The following RIMS1 variants were observed in gnomAD, a reference collection of about 807,000 sequenced individuals.
RIMS1 encodes regulating synaptic membrane exocytosis 1, also known as regulating synaptic membrane exocytosis protein 1.
In RIMS1, 83 loss-of-function variants were observed where a neutral mutation model predicts 214.1. That is an observed-to-expected ratio of 0.39 (90% confidence interval 0.32 to 0.47). RIMS1 has a LOEUF of 0.47. Ranked by LOEUF, RIMS1 falls within the 20% of genes least tolerant of loss-of-function variation. The probability of loss-of-function intolerance (pLI) is 0.99; values close to 1 mark genes in which losing one functional copy is unlikely to be tolerated. For missense variants in RIMS1, 2,050 were observed against 2,161.8 expected, an observed-to-expected ratio of 0.95 and a Z score of 1.03; for synonymous variants, 793 against 786.8, an observed-to-expected ratio of 1.01 and a Z score of -0.13.
chr6:72,399,520 G>T lies in RIMS1; in HGVS notation c.4860+426G>T, dbSNP rs189554608. Among the ~76,000 whole-genome samples, 400 of 152,196 alleles carry T rather than the reference G, an allele frequency of 2.6e-3. 1 individual carries two copies. The highest frequency in any genetic ancestry group is 4.4e-3 in the Non-Finnish European group (298 of 68,002). On this transcript the variant is annotated intron_variant, in intron 33 of 33. Coordinates refer to ENST00000521978, the MANE Select transcript of RIMS1 (RefSeq NM_014989.7). ...AGCATTGCTATATACCAAACATGGG[G>T]TACAAAGAGGAAGAGGGAGAGGAAA...
chr6:72,329,745 T>C (rs2096595827), intron 28 of RIMS1, among the ~76,000 whole-genome samples: 1 of 151,728 alleles, frequency 6.6e-6, no homozygotes, highest in Admixed American at 6.6e-5. Context: ...TGGGTTTGTC[T>C]TACTTCCAAG....
intron 16 of RIMS1, among the ~76,000 whole-genome samples, chr6:72,253,442 G>T (rs1563110741): frequency 6.6e-6 from 1 of 152,114 alleles, no homozygotes; most frequent in African/African-American, 2.4e-5. Context: ...ATGTTGTAGG[G>T]TTTAAATGTT....
intron 2 of RIMS1, among the ~76,000 whole-genome samples, chr6:72,079,835 G>A (rs543656876): frequency 1.1e-3 from 163 of 152,014 alleles, no homozygotes; most frequent in African/African-American, 3.9e-3. Context: ...AGTGAGCTGT[G>A]ATTGTGTCAC....
chr6:72,361,699 G>A (rs2097831574), intron 29 of RIMS1, among the ~76,000 whole-genome samples: 1 of 152,136 alleles, frequency 6.6e-6, no homozygotes, highest in African/African-American at 2.4e-5. Flanking sequence ...TGCCTTCCTA[G>A]CCTCTAGTGG....
intron 2 of RIMS1, among the ~76,000 whole-genome samples, chr6:71,976,184 AT>A (rs796438959): frequency 5.1e-4 from 77 of 152,250 alleles, no homozygotes; most frequent in African/African-American, 1.8e-3. Flanking sequence ...CAATAAGAGA[AT>A]TCCAATTTCC....
intron 27 of RIMS1, 43 bp downstream of exon 27, chr6:72,307,413 T>C (rs1292467347): frequency 2.5e-6 from 3 of 1,202,808 alleles, no homozygotes; most frequent in Non-Finnish European, 3.6e-6. Context: ...CTTTTAAAAA[T>C]GTGTAGTGTG....
chr6:72,005,151 T>G (rs1401477396), intron 2 of RIMS1, among the ~76,000 whole-genome samples: 1 of 152,208 alleles, frequency 6.6e-6, no homozygotes, highest in African/African-American at 2.4e-5. Flanking sequence ...TGCTTGTTTT[T>G]CTCAGCTGTG....
intron 1 of RIMS1, among the ~76,000 whole-genome samples, chr6:71,952,490 A>G (rs1789944893): frequency 6.6e-6 from 1 of 152,158 alleles, no homozygotes; most frequent in African/African-American, 2.4e-5. Context: ...AAATCGGGAA[A>G]TTCGTGAGGC....
At chr6:71,901,144 A>C (rs1773480311) in intron 1 of RIMS1, among the ~76,000 whole-genome samples, 1 of 152,076 alleles carries the variant, frequency 6.6e-6, no homozygotes, top group Non-Finnish European at 1.5e-5. Flanking sequence ...GATAATGAGA[A>C]ACTAAAAGTC....
chr6:72,059,265 T>TG (rs1172836506), intron 2 of RIMS1, among the ~76,000 whole-genome samples: 1 of 152,210 alleles, frequency 6.6e-6, no homozygotes, highest in Non-Finnish European at 1.5e-5. Flanking sequence ...CTCGCTCTGT[T>TG]GCCCACGCTG....
chr6:72,327,789 A>G (rs768193765), intron 28 of RIMS1, among the ~76,000 whole-genome samples: 14 of 151,872 alleles, frequency 9.2e-5, no homozygotes, highest in Non-Finnish European at 1.6e-4. Context: ...GCTATCTTCA[A>G]GAATTCACTT....
intron 6 of RIMS1, among the ~76,000 whole-genome samples, chr6:72,219,980 A>G (rs2057845222): frequency 6.6e-6 from 1 of 152,122 alleles, no homozygotes; most frequent in Admixed American, 6.6e-5. Flanking sequence ...TCTCTTGCCT[A>G]TTCTATATTA....
rs138439589 is a variant in RIMS1, at chr6:72,172,607, C to T, written c.472-6968C>T. 3.5e-3 allele frequency among the ~76,000 whole-genome samples: 526 copies of T among 152,284 alleles called. 12 individuals are homozygous for T. The highest frequency in any genetic ancestry group is 0.028 in the Admixed American group (429 of 15,290). ...GTTCACTTCTGCAGCTTAACACAGT[C>T]ATTAACCAGAGCCAAGCAATGAATT... On this transcript the variant is annotated intron_variant, in intron 4 of 33. Coordinates refer to ENST00000521978, the MANE Select transcript of RIMS1 (RefSeq NM_014989.7).
intron 4 of RIMS1, among the ~76,000 whole-genome samples, chr6:72,104,133 G>T (rs2153812412): frequency 6.6e-6 from 1 of 152,090 alleles, no homozygotes; most frequent in South Asian, 2.1e-4. Flanking sequence ...AGATTACTTG[G>T]AATTTAATAT....
chr6:72,314,916 T>C (rs1221711251), intron 28 of RIMS1, among the ~76,000 whole-genome samples: 1 of 152,172 alleles, frequency 6.6e-6, no homozygotes, highest in Non-Finnish European at 1.5e-5. Flanking sequence ...TTGAGCCCTA[T>C]GCTTTAAAGT....
intron 4 of RIMS1, among the ~76,000 whole-genome samples, chr6:72,170,293 A>G (rs2046846524): frequency 6.6e-6 from 1 of 152,082 alleles, no homozygotes; most frequent in Non-Finnish European, 1.5e-5. Context: ...TTTATTCCTC[A>G]GTACTTATCA....
rs150905978 is a variant in RIMS1, at chr6:71,910,266, A to G, written c.164+23079A>G. Reference sequence around the variant, plus strand: ...AAATACAAAAACTCTGCATTTTAAAAATATATTATTTTAGGAGGAAAGAAC... The same window carrying G: ...AAATACAAAAACTCTGCATTTTAAAGATATATTATTTTAGGAGGAAAGAAC... On this transcript the variant is annotated intron_variant, in intron 1 of 33. Transcript: ENST00000521978. Among the ~76,000 whole-genome samples, 5 of 152,258 alleles carry G rather than the reference A, an allele frequency of 3.3e-5. No homozygotes were observed. In the East Asian group the frequency reaches 9.7e-4, roughly 29 times the overall value.
chr6:71,913,462 G>C (rs958379338), intron 1 of RIMS1, among the ~76,000 whole-genome samples: 4 of 152,076 alleles, frequency 2.6e-5, no homozygotes, highest in African/African-American at 7.2e-5. Flanking sequence ...ACTTGAATGT[G>C]CTTAAAGAAT....
intron 2 of RIMS1, among the ~76,000 whole-genome samples, chr6:71,992,579 C>A (rs1802121259): frequency 7.0e-6 from 1 of 142,108 alleles, no homozygotes; most frequent in South Asian, 2.3e-4. Context: ...CTTCTTCTTC[C>A]TCTTCTCCTT....
Sources: gnomAD v4.1 joint callset for allele counts (sites outside exome capture counted in the v4.1 genomes callset) on GRCh38, gnomAD v4.1.1 for gene constraint, MANE v1.5 for transcripts, NCBI Gene and HGNC (gene_info 2026-07-23, HGNC 2026-07-21) for gene names.